Variants in ZBED6 observed in about 807,000 individuals in gnomAD.
ZBED6 encodes zinc finger BED-type containing 6, also known as zinc finger BED domain-containing protein 6.
Under a neutral mutation model 58.4 loss-of-function variants are expected in ZBED6, and 40 were observed. That is an observed-to-expected ratio of 0.68 (90% confidence interval 0.53 to 0.89). The LOEUF (loss-of-function observed/expected upper bound fraction) is 0.89, where lower values mean the gene tolerates loss of function less well. ZBED6 is among the 40% of genes least tolerant of loss of function. The pLI, the probability that ZBED6 is intolerant of heterozygous loss-of-function variation, is 0.00. For missense variants in ZBED6, 1,057 were observed against 1,003.9 expected, an observed-to-expected ratio of 1.05 and a Z score of -0.71; for synonymous variants, 439 against 350.6, an observed-to-expected ratio of 1.25 and a Z score of -2.82.
In ZBED6 at chr1:203,799,019, T is replaced by C. The variant is rs1467901093; in HGVS notation, c.1497T>C (p.Thr499=). 4 of 1,536,164 alleles carry C rather than the reference T, an allele frequency of 2.6e-6. No homozygotes were observed. The South Asian group carries it at 3.6e-5, about 14-fold the overall frequency. Residue 499 remains threonine, a synonymous_variant, in exon 1 of 17, where the codon ACT becomes ACC. Coordinates refer to ENST00000550078, the Ensembl canonical transcript of ZBED6. Reference sequence around the variant, plus strand: ...CATCCACTGACTATTTTATTGTGACTGTACACTGGGTTTCTTTGGAAACTG... The same window carrying C: ...CATCCACTGACTATTTTATTGTGACCGTACACTGGGTTTCTTTGGAAACTG...
intron 11 of ZBED6, among the ~76,000 whole-genome samples, chr1:203,842,335 G>A (rs1322071253): frequency 1.3e-5 from 2 of 152,204 alleles, no homozygotes; most frequent in South Asian, 2.1e-4. Flanking sequence ...GCGAGACTCC[G>A]TCTGCAATCC....
At chr1:203,798,934 C>T (rs747329173) in exon 1 of ZBED6, 1 of 1,536,078 alleles carries the variant, frequency 6.5e-7, no homozygotes, top group South Asian at 1.2e-5. Context: ...ATTTTCTTAA[C>T]TTTAGAGAAT....
At chr1:203,842,193 G>T (rs575907290) in intron 11 of ZBED6, among the ~76,000 whole-genome samples, 2 of 152,006 alleles carry the variant, frequency 1.3e-5, no homozygotes, top group South Asian at 4.2e-4. Flanking sequence ...CTTCCCAGAC[G>T]GGGTGGCGGC....
exon 1 of ZBED6, chr1:203,802,984 C>T (rs920522315): frequency 5.9e-5 from 9 of 152,644 alleles, no homozygotes; most frequent in African/African-American, 2.2e-4. Flanking sequence ...TCAGTGAAGA[C>T]ACAGATGTTC....
exon 5 of ZBED6, chr1:203,829,503 A>C: frequency 1.2e-6 from 2 of 1,614,006 alleles, no homozygotes; most frequent in Non-Finnish European, 1.7e-6. Context: ...AGGCTAGCCA[A>C]CTTTCAGTTC....
chr1:203,828,388 A>G, exon 4 of ZBED6: 1 of 1,613,888 alleles, frequency 6.2e-7, no homozygotes, highest in Non-Finnish European at 8.5e-7. Context: ...ATAGAGGACG[A>G]TATGTTGATG....
At chr1:203,802,205 A>G (rs1670729470) in exon 1 of ZBED6, 1 of 152,606 alleles carries the variant, frequency 6.6e-6, no homozygotes, top group African/African-American at 2.4e-5. Flanking sequence ...ACGATGATGG[A>G]TATATATACA....
rs1684945720 is a variant in ZBED6 at position 203,838,108 on chromosome 1, C to T, written c.*3672+44C>T. ...ACTTTGTGTGTGTATGTAATTATGA[C>T]ACTTGTGTCTTGTAATGCTAACAGC... On this transcript the variant is annotated intron_variant, in intron 10 of 16. Coordinates refer to ENST00000550078, the Ensembl canonical transcript of ZBED6. The T allele has an allele frequency of 1.9e-6, 3 of 1,564,410 alleles. No homozygotes were observed. The East Asian group carries it at 6.7e-5, about 35-fold the overall frequency.
At position 203,850,499 on chromosome 1, in the gene ZBED6, T is replaced by G; in HGVS notation, c.*4639-16T>G. 6.2e-7 allele frequency: 1 copy of G among 1,613,974 alleles called. No individual in the cohort carries two copies. The highest frequency in any genetic ancestry group is 8.5e-7 in the Non-Finnish European group (1 of 1,179,848). On this transcript the variant is annotated splice_polypyrimidine_tract_variant and intron_variant, in intron 14 of 16. Transcript: ENST00000550078. ...TCTATTCTCACTGCTTATCAGATATTTTCTGCCCTTTGTAGCTAAACCCAA... is the reference window on the plus strand; with the variant it reads ...TCTATTCTCACTGCTTATCAGATATGTTCTGCCCTTTGTAGCTAAACCCAA...
At chr1:203,848,972 C>T (rs978148033) in intron 13 of ZBED6, among the ~76,000 whole-genome samples, 6 of 152,228 alleles carry the variant, frequency 3.9e-5, no homozygotes, top group Admixed American at 3.9e-4. Context: ...GCAACCTTTG[C>T]CTCCTGGGTT....
chr1:203,823,583 CCAAGG>C (rs1344679110), intron 3 of ZBED6, among the ~76,000 whole-genome samples: 2 of 152,198 alleles, frequency 1.3e-5, no homozygotes, highest in Non-Finnish European at 2.9e-5. Context: ...CGTCTAAAAG[CCAAGG>C]TCCCAGATGC....
chr1:203,807,667 C>T (rs1483969346), intron 1 of ZBED6, among the ~76,000 whole-genome samples: 1 of 152,038 alleles, frequency 6.6e-6, no homozygotes, highest in Non-Finnish European at 1.5e-5. Flanking sequence ...GCTAGGACCA[C>T]AGATGTATGG....
chr1:203,805,422 C>T (rs556504776), intron 1 of ZBED6, among the ~76,000 whole-genome samples: 8 of 152,182 alleles, frequency 5.3e-5, no homozygotes, highest in East Asian at 1.9e-4. Flanking sequence ...TGAGCCACCG[C>T]GCCCTGCCAG....
chr1:203,847,727 T>C (rs1306214603), intron 12 of ZBED6, 40 bp downstream of exon 12: 1 of 1,588,212 alleles, frequency 6.3e-7, no homozygotes, highest in African/African-American at 1.4e-5. Flanking sequence ...CGTCCCCACA[T>C]AATATTCCAG....
intron 3 of ZBED6, among the ~76,000 whole-genome samples, chr1:203,823,588 G>A (rs1020037186): frequency 6.6e-6 from 1 of 152,176 alleles, no homozygotes; most frequent in African/African-American, 2.4e-5. Context: ...AAAAGCCAAG[G>A]TCCCAGATGC....
intron 1 of ZBED6, among the ~76,000 whole-genome samples, chr1:203,811,278 A>T (rs929750943): frequency 6.6e-6 from 1 of 152,174 alleles, no homozygotes; most frequent in Non-Finnish European, 1.5e-5. Context: ...ATTGCACTTC[A>T]GCCTGGGCAA....
chr1:203,852,260 C>T, exon 17 of ZBED6: 1 of 1,613,650 alleles, frequency 6.2e-7, no homozygotes, highest in Non-Finnish European at 8.5e-7. Context: ...ACAGGAAAGC[C>T]CCCACTCTCT....
chr1:203,804,643 AG>A (rs1671637677), intron 1 of ZBED6, among the ~76,000 whole-genome samples: 1 of 148,950 alleles, frequency 6.7e-6, no homozygotes. Flanking sequence ...TGTAATCTGC[AG>A]GTTCTGGATT....
At chr1:203,802,771 C>T (rs1250620694) in exon 1 of ZBED6, 2 of 150,240 alleles carry the variant, frequency 1.3e-5, no homozygotes, top group South Asian at 2.1e-4. Context: ...GATAACTAAC[C>T]CTAGCTGTCT....
Sources: allele counts gnomAD v4.1 joint callset (sites outside exome capture counted in the v4.1 genomes callset), GRCh38; gene constraint gnomAD v4.1.1; transcripts MANE v1.5; gene names NCBI Gene and HGNC (gene_info 2026-07-23, HGNC 2026-07-21).